The following KLF12 variants were observed in gnomAD, a reference collection of about 807,000 sequenced individuals.
KLF12 encodes the protein Krueppel-like factor 12.
In KLF12, 9 loss-of-function variants were observed where a neutral mutation model predicts 37.8. That is an observed-to-expected ratio of 0.24 (90% CI 0.14 to 0.42). KLF12 has a LOEUF of 0.42. KLF12 is among the 10% of genes least tolerant of loss of function. KLF12 has a pLI of 1.00. For synonymous variants in KLF12, 208 were observed against 202.1 expected (o/e 1.03, Z -0.25); for missense variants, 411 against 516.0 (o/e 0.80, Z 1.97).
chr13:74,207,213 C>T, the KLF12 span, among the ~76,000 whole-genome samples: 1 of 152,144 alleles, frequency 6.6e-6, no homozygotes, highest in Non-Finnish European at 1.5e-5. Flanking sequence ...GAGGACAGAG[C>T]CCTCATGGCC....
At chr13:74,068,238 C>A (rs867654749) in intron 1 of KLF12, among the ~76,000 whole-genome samples, 1 of 152,130 alleles carries the variant, frequency 6.6e-6, no homozygotes, top group Non-Finnish European at 1.5e-5. Context: ...TCTATTTCTA[C>A]GAAAAATAAG....
At chr13:73,868,984 G>A (rs1207196664) in intron 3 of KLF12, among the ~76,000 whole-genome samples, 1 of 152,054 alleles carries the variant, frequency 6.6e-6, no homozygotes, top group Non-Finnish European at 1.5e-5. Flanking sequence ...CTTGAAAATG[G>A]GTAGTGACTA....
chr13:73,845,317 A>T (rs1195284624), intron 4 of KLF12, among the ~76,000 whole-genome samples: 1 of 152,220 alleles, frequency 6.6e-6, no homozygotes, highest in African/African-American at 2.4e-5. Flanking sequence ...TTTAATGGCA[A>T]CTTAATTTAT....
At chr13:73,752,879 T>A (rs1161553871) in intron 6 of KLF12, among the ~76,000 whole-genome samples, 2 of 151,780 alleles carry the variant, frequency 1.3e-5, no homozygotes, top group East Asian at 1.9e-4. Flanking sequence ...ACCATCATTA[T>A]GTATTTTTTT....
At chr13:73,844,084 A>T (rs562858791) in intron 4 of KLF12, among the ~76,000 whole-genome samples, 2 of 152,246 alleles carry the variant, frequency 1.3e-5, no homozygotes, top group Non-Finnish European at 2.9e-5. Flanking sequence ...ATCATGAGCA[A>T]CATTAATATC....
At chr13:73,736,581 C>T (rs1877480389) in intron 6 of KLF12, among the ~76,000 whole-genome samples, 3 of 152,144 alleles carry the variant, frequency 2.0e-5, no homozygotes, top group Admixed American at 1.3e-4. Flanking sequence ...ATCATATTGT[C>T]AAGCAGGAAC....
At position 74,028,161 on chromosome 13, in the gene KLF12, T is replaced by A. The variant is rs60833924; in HGVS notation, c.-31-33108A>T. Reference sequence around the variant, plus strand: ...AGAGTCAAAAGCACGTTGATAGTCTTTGACCCAGTGATAACATTCCTAGAT... The same window carrying A: ...AGAGTCAAAAGCACGTTGATAGTCTATGACCCAGTGATAACATTCCTAGAT... On this transcript the variant is annotated intron_variant, in intron 1 of 7. Transcript: ENST00000377669. Among the ~76,000 whole-genome samples, 11 of 152,304 alleles carry A rather than the reference T, an allele frequency of 7.2e-5. No individual in the cohort carries two copies. The East Asian group carries it at 2.1e-3, about 29-fold the overall frequency.
Position 73,689,124 on chromosome 13 carries a change from T to G in KLF12, c.*6366A>C, listed in dbSNP as rs1011305198. The G allele has an allele frequency of 2.0e-5, 3 of 152,100 alleles. No homozygotes were observed. The highest frequency in any genetic ancestry group is 2.9e-5 in the Non-Finnish European group (2 of 68,032). 9.4% of individuals were successfully genotyped at this position (152,100 alleles called of 1,614,324 possible). A position where few individuals can be genotyped will look rare whatever the true frequency, so the allele number is the denominator to read the frequency against. ...TGTGTAACCTTTCAAGGTACTTTAGTTTTTTCAGACAACACATGGTAAGAA... is the reference window on the plus strand; with the variant it reads ...TGTGTAACCTTTCAAGGTACTTTAGGTTTTTCAGACAACACATGGTAAGAA... On this transcript the variant is annotated 3_prime_UTR_variant, in exon 8 of 8. Coordinates refer to ENST00000377669, the MANE Select transcript of KLF12 (RefSeq NM_007249.5).
chr13:73,773,096 C>T (rs1455069061), intron 5 of KLF12, among the ~76,000 whole-genome samples: 2 of 152,166 alleles, frequency 1.3e-5, no homozygotes, highest in Non-Finnish European at 2.9e-5. Flanking sequence ...TTTTAACTGT[C>T]AGATGCACAT....
At chr13:73,752,186 C>G (rs1047284273) in intron 6 of KLF12, among the ~76,000 whole-genome samples, 5 of 151,918 alleles carry the variant, frequency 3.3e-5, no homozygotes, top group Non-Finnish European at 7.4e-5. Flanking sequence ...TTTTGTCATG[C>G]TGGCCAGGCT....
the KLF12 span, among the ~76,000 whole-genome samples, chr13:74,276,955 T>C: frequency 6.6e-6 from 1 of 152,220 alleles, no homozygotes; most frequent in African/African-American, 2.4e-5. Flanking sequence ...CTTCTGCCCA[T>C]TGATTTAGCA....
At chr13:74,138,510 T>C (rs911897049), upstream of KLF12, among the ~76,000 whole-genome samples, 7 of 152,234 alleles carry the variant, frequency 4.6e-5, no homozygotes, top group African/African-American at 1.7e-4. Flanking sequence ...ATTATGTGAT[T>C]ACTTGGTAAA....
At chr13:73,724,391 T>C (rs1487842083) in intron 6 of KLF12, among the ~76,000 whole-genome samples, 1 of 152,156 alleles carries the variant, frequency 6.6e-6, no homozygotes, top group African/African-American at 2.4e-5. Context: ...CCTGATGTAG[T>C]ACTTAAGTTA....
the KLF12 span, among the ~76,000 whole-genome samples, chr13:74,218,071 T>TA: frequency 6.6e-6 from 1 of 152,184 alleles, no homozygotes; most frequent in African/African-American, 2.4e-5. Context: ...CAAAAAATGT[T>TA]ACCAGGTTTT....
At chr13:73,796,832 ATAGG>A (rs1466347543) in intron 5 of KLF12, among the ~76,000 whole-genome samples, 4 of 152,220 alleles carry the variant, frequency 2.6e-5, no homozygotes, top group Admixed American at 1.3e-4. Context: ...CAAGAAGTGA[ATAGG>A]TAAATTATGT....
At chr13:73,989,360 C>G (rs2138232141) in intron 2 of KLF12, among the ~76,000 whole-genome samples, 1 of 152,286 alleles carries the variant, frequency 6.6e-6, no homozygotes, top group South Asian at 2.1e-4. Flanking sequence ...TACACAAGAC[C>G]TATTCAATGA....
intron 1 of KLF12, among the ~76,000 whole-genome samples, chr13:74,115,255 C>T (rs1877223284): frequency 6.6e-6 from 1 of 152,192 alleles, no homozygotes; most frequent in African/African-American, 2.4e-5. Flanking sequence ...TAACCACTAA[C>T]ATTTCACATA....
the KLF12 span, among the ~76,000 whole-genome samples, chr13:74,276,948 C>T: frequency 3.3e-5 from 5 of 152,236 alleles, no homozygotes; most frequent in African/African-American, 9.6e-5. Context: ...GTACCCACTT[C>T]TGCCCATTGA....
chr13:73,943,508 A>G (rs1034956932), intron 3 of KLF12, among the ~76,000 whole-genome samples: 1 of 152,224 alleles, frequency 6.6e-6, no homozygotes, highest in Admixed American at 6.5e-5. Context: ...GACCTCATCA[A>G]CTATCCCCTA....
Sources: allele counts gnomAD v4.1 joint callset (sites outside exome capture counted in the v4.1 genomes callset), GRCh38; gene constraint gnomAD v4.1.1; transcripts MANE v1.5; gene names NCBI Gene and HGNC (gene_info 2026-07-23, HGNC 2026-07-21).